The following RIC1 variants were observed in gnomAD, a reference collection of about 807,000 sequenced individuals.
RIC1 encodes RIC1 partner of RAB6A GEF complex, also known as guanine nucleotide exchange factor subunit RIC1.
RIC1 carries 88 observed loss-of-function variants against 169.0 expected under a neutral mutation model. The observed-to-expected ratio is 0.52, with a 90% CI of 0.44 to 0.62. The LOEUF (loss-of-function observed/expected upper bound fraction) is 0.62. Ranked by LOEUF, RIC1 falls within the 20% of genes least tolerant of loss-of-function variation. The pLI, the probability that RIC1 is intolerant of heterozygous loss-of-function variation, is 0.00. For synonymous variants in RIC1, 790 were observed against 601.5 expected (o/e 1.31, Z -4.59); for missense variants, 1,877 against 1,725.5 (o/e 1.09, Z -1.56).
At chr9:5,743,834 A>C (rs993610537) in intron 10 of RIC1, 97 bp downstream of exon 10, 4 of 921,284 alleles carry the variant, frequency 4.3e-6, no homozygotes, top group African/African-American at 1.7e-5. Context: ...TTTTTGAGAC[A>C]GGGTCTTACA....
intron 6 of RIC1, among the ~76,000 whole-genome samples, chr9:5,729,544 G>T (rs993991139): frequency 6.6e-6 from 1 of 151,856 alleles, no homozygotes; most frequent in Non-Finnish European, 1.5e-5. Flanking sequence ...TATTATTTTT[G>T]TCTTTGCTGC....
intron 12 of RIC1, 144 bp downstream of exon 12, chr9:5,747,649 T>C: frequency 1.4e-6 from 1 of 722,376 alleles, no homozygotes; most frequent in South Asian, 1.8e-5. Context: ...TGCTTTTCTG[T>C]GTTCTTGTCC....
At chr9:5,660,210 A>G (rs1819367636) in intron 2 of RIC1, among the ~76,000 whole-genome samples, 1 of 152,172 alleles carries the variant, frequency 6.6e-6, no homozygotes, top group Non-Finnish European at 1.5e-5. Flanking sequence ...GCTGCATAGT[A>G]TTCCATCGTG....
In RIC1 at chr9:5,670,970, G is replaced by A. The variant is rs557893208; in HGVS notation, c.252+14280G>A. ...CCACAGGACCAGGACCAGTTGGTGG[G>A]TCCACGTGGAGCCCTCCGCCGTCAG... On this transcript the variant is annotated intron_variant, in intron 2 of 25. Coordinates refer to ENST00000414202, the MANE Select transcript of RIC1 (RefSeq NM_020829.4). Among the ~76,000 whole-genome samples the A allele has an allele frequency of 3.9e-5, 6 of 152,228 alleles. No homozygotes were observed. The South Asian group carries it at 1.2e-3, about 32-fold the overall frequency.
chr9:5,758,147 G>C (rs1281563998), intron 17 of RIC1, among the ~76,000 whole-genome samples: 2 of 152,140 alleles, frequency 1.3e-5, no homozygotes, highest in Admixed American at 1.3e-4. Context: ...AGTAGAATGA[G>C]TATAGAATAG....
At chr9:5,651,459 C>G (rs548845623) in intron 1 of RIC1, among the ~76,000 whole-genome samples, 5 of 151,214 alleles carry the variant, frequency 3.3e-5, no homozygotes, top group Admixed American at 2.6e-4. Context: ...CAGGTCTTAT[C>G]CAAAAAATTC....
intron 2 of RIC1, 119 bp from the exon 3 acceptor site, chr9:5,689,840 C>G: frequency 1.6e-6 from 1 of 620,130 alleles, no homozygotes; most frequent in South Asian, 2.2e-5. Flanking sequence ...CTATAATTCT[C>G]CAAGGGAGGG....
rs774291846 is a variant in RIC1, at chr9:5,774,901, G to A, written c.*655G>A. ...GACCAATGTGGGCAGAGGTCTGAGG[G>A]GGTTCTTCTCAATTTTGCTGTTAGA... On this transcript the variant is annotated 3_prime_UTR_variant, in exon 26 of 26. Transcript: ENST00000414202. The A allele has an allele frequency of 6.6e-6, 1 of 152,166 alleles. No homozygotes were observed. Among genetic ancestry groups the A allele is most frequent in the African/African-American group, 2.4e-5 (1 of 41,450 alleles). 9.4% of individuals were successfully genotyped at this position (152,166 alleles called of 1,614,324 possible).
At chr9:5,761,460 T>C (rs940465292) in intron 17 of RIC1, among the ~76,000 whole-genome samples, 7 of 152,156 alleles carry the variant, frequency 4.6e-5, no homozygotes, top group Non-Finnish European at 5.9e-5. Flanking sequence ...CAGTCGTCTC[T>C]GATTTAGTGA....
At position 5,649,687 on chromosome 9, in the gene RIC1, G is replaced by C. The variant is rs1317819885; in HGVS notation, c.145-6896G>C. On this transcript the variant is annotated intron_variant, in intron 1 of 25. Coordinates refer to ENST00000414202, the MANE Select transcript of RIC1 (RefSeq NM_020829.4). ...CATTTCATAAATTTCTTTTTTATTA[G>C]AATCTGTTGCTGGGGAATTATTGTG... Among the ~76,000 whole-genome samples, 4 of 148,220 alleles carry C rather than the reference G, an allele frequency of 2.7e-5. No homozygotes were observed. The South Asian group carries it at 8.4e-4, about 31-fold the overall frequency.
chr9:5,705,484 A>T (rs1024407084), intron 3 of RIC1, among the ~76,000 whole-genome samples: 4 of 152,040 alleles, frequency 2.6e-5, no homozygotes, highest in African/African-American at 9.7e-5. Flanking sequence ...TTCTGTGTTG[A>T]TCATGTACTA....
chr9:5,738,542 A>AT lies in RIC1; in HGVS notation c.901+4_901+5insT. 1.2e-6 allele frequency: 1 copy of AT among 851,684 alleles called. No homozygotes were observed. Among genetic ancestry groups the AT allele is most frequent in the Non-Finnish European group, 1.8e-6 (1 of 565,660 alleles). The allele number at this position is 851,684 out of a possible 1,614,324, so 52.8% of individuals were successfully genotyped here. On this transcript the variant is annotated splice_donor_region_variant and intron_variant, in intron 8 of 25. Transcript: ENST00000414202. ...CTAACAGCAAAACAGTATCCTGGTG[A>AT]GTCTTTTTTTTTTTTTTTTTTTTTA...
chr9:5,650,875 G>A (rs887283276), intron 1 of RIC1, among the ~76,000 whole-genome samples: 3 of 152,144 alleles, frequency 2.0e-5, no homozygotes, highest in African/African-American at 7.2e-5. Flanking sequence ...GGTCCAAGTG[G>A]CATTGCATCA....
intron 3 of RIC1, among the ~76,000 whole-genome samples, chr9:5,709,828 T>G (rs1413134828): frequency 1.3e-5 from 2 of 152,198 alleles, no homozygotes; most frequent in Non-Finnish European, 2.9e-5. Flanking sequence ...GCGAGATGTA[T>G]CTCTAATTTT....
intron 1 of RIC1, among the ~76,000 whole-genome samples, chr9:5,652,376 T>G (rs1055959747): frequency 6.6e-5 from 10 of 152,232 alleles, no homozygotes; most frequent in Admixed American, 3.3e-4. Flanking sequence ...TGTGTTTTCT[T>G]CATTTTATTA....
chr9:5,697,796 T>C (rs1309279482), intron 3 of RIC1, among the ~76,000 whole-genome samples: 1 of 152,214 alleles, frequency 6.6e-6, no homozygotes, highest in Non-Finnish European at 1.5e-5. Flanking sequence ...CCTCATTTAT[T>C]GTATGCCTGC....
chr9:5,756,950 A>AGT (rs1256983846), intron 16 of RIC1, among the ~76,000 whole-genome samples: 1 of 152,362 alleles, frequency 6.6e-6, no homozygotes, highest in Middle Eastern at 3.4e-3. Context: ...GAAACAGCAC[A>AGT]GTGATTGAGA....
rs66478510 is a variant in RIC1, at chr9:5,680,815, A to ATTTTTTTTTTT, written c.253-9125_253-9115dup. ...AGAACACCAGCTCCTGCAGTCATTG[A>ATTTTTTTTTTT]TTTTTTTTTTTTTTTTTTTTTTTTT... On this transcript the variant is annotated intron_variant, in intron 2 of 25. Transcript: ENST00000414202. Among the ~76,000 whole-genome samples the ATTTTTTTTTTT allele has an allele frequency of 4.8e-4, 28 of 57,766 alleles. 4 individuals carry two copies. The highest frequency in any genetic ancestry group is 7.5e-4 in the East Asian group (1 of 1,334). The allele number at this position is 57,766 out of a possible 152,430, so 37.9% of individuals were successfully genotyped here.
chr9:5,694,719 G>A (rs548871414), intron 3 of RIC1, among the ~76,000 whole-genome samples: 3 of 151,790 alleles, frequency 2.0e-5, no homozygotes, highest in East Asian at 1.9e-4. Flanking sequence ...AGAGAGCCCT[G>A]CACATTGTTT....
Sources: gnomAD v4.1 joint callset for allele counts (sites outside exome capture counted in the v4.1 genomes callset) on GRCh38, gnomAD v4.1.1 for gene constraint, MANE v1.5 for transcripts, NCBI Gene and HGNC (gene_info 2026-07-23, HGNC 2026-07-21) for gene names.